Variants in ZFHX3 observed in about 807,000 individuals in gnomAD.
ZFHX3 encodes zinc finger homeobox 3.
Under a neutral mutation model 279.1 loss-of-function variants are expected in ZFHX3, and 42 were observed. The ratio of observed to expected loss-of-function variants is 0.15; its 90% CI spans 0.12 to 0.19. The LOEUF (loss-of-function observed/expected upper bound fraction) is 0.19. Among genes scored for constraint, ZFHX3 ranks in the 10% least tolerant of loss-of-function variants. The probability of loss-of-function intolerance (pLI) is 1.00; values close to 1 mark genes in which losing one functional copy is unlikely to be tolerated. For synonymous variants in ZFHX3, 2,293 were observed against 1,957.8 expected (o/e 1.17, Z -4.52); for missense variants, 4,981 against 4,754.0 (o/e 1.05, Z -1.40).
chr16:73,156,333 C>G (rs1187721716), intron 5 of ZFHX3, among the ~76,000 whole-genome samples: 1 of 151,170 alleles, frequency 6.6e-6, no homozygotes, highest in Non-Finnish European at 1.5e-5. Flanking sequence ...GTGAGTAGTT[C>G]CCATTAAAAA....
chr16:73,053,868 G>A (rs1008508804), intron 1 of ZFHX3, among the ~76,000 whole-genome samples: 2 of 152,206 alleles, frequency 1.3e-5, no homozygotes, highest in African/African-American at 4.8e-5. Context: ...TCAGCAAAGT[G>A]AAGGACCTGT....
At chr16:73,610,472 G>A (rs762629049) in intron 2 of ZFHX3, among the ~76,000 whole-genome samples, 3 of 152,098 alleles carry the variant, frequency 2.0e-5, no homozygotes, top group Non-Finnish European at 4.4e-5. Flanking sequence ...TACATTTCTT[G>A]CTCTGAAAAT....
chr16:73,505,794 C>A (rs539154145), intron 2 of ZFHX3, among the ~76,000 whole-genome samples: 1 of 152,312 alleles, frequency 6.6e-6, no homozygotes, highest in African/African-American at 2.4e-5. Flanking sequence ...GTCACTGTTC[C>A]CAGGAAAAAC....
Position 72,794,151 on chromosome 16 carries a change from T to C in ZFHX3, c.8531A>G (p.Asp2844Gly). Residue 2844 changes from aspartate to glycine, a missense_variant, in exon 9 of 10, where the codon GAT becomes GGT. Asp to Gly is a moderately conservative substitution (Grantham distance 94). Around this residue, in one of 7 missense-constraint regions of ZFHX3, gnomAD observed 744 missense variants for 701.3 expected, o/e 1.06. Coordinates refer to ENST00000268489, the MANE Select transcript of ZFHX3 (RefSeq NM_006885.4). This position sits in a 1 kb window ranked among gnomAD's most constrained non-coding sequence, Gnocchi z 4.2. Reference sequence around the variant, plus strand: ...GTTGCCCTCGTCTCCAGTTGTGGTATCTGTGATTGCTGTGTTGACAGAGGA... The same window carrying C: ...GTTGCCCTCGTCTCCAGTTGTGGTACCTGTGATTGCTGTGTTGACAGAGGA... Reference protein sequence around the residue: ...DCSSVNTAITDTTTGDEGNAD... With the variant: ...DCSSVNTAITGTTTGDEGNAD... 1 of 1,614,228 alleles carries C rather than the reference T, an allele frequency of 6.2e-7. No individual in the cohort carries two copies. Among genetic ancestry groups the C allele is most frequent in the Non-Finnish European group, 8.5e-7 (1 of 1,180,044 alleles).
intron 2 of ZFHX3, among the ~76,000 whole-genome samples, chr16:73,553,248 T>C (rs1001351450): frequency 1.3e-5 from 2 of 152,142 alleles, no homozygotes. Context: ...TATTTTTTGT[T>C]TAGTTTTGGA....
chr16:73,552,095 C>T (rs755242780), intron 2 of ZFHX3, among the ~76,000 whole-genome samples: 1 of 152,152 alleles, frequency 6.6e-6, no homozygotes, highest in Non-Finnish European at 1.5e-5. Flanking sequence ...ATCTTTTACT[C>T]ATCTCATCCA....
intron 2 of ZFHX3, among the ~76,000 whole-genome samples, chr16:73,676,729 A>G (rs533808811): frequency 7.2e-5 from 11 of 151,956 alleles, no homozygotes; most frequent in Non-Finnish European, 1.6e-4. Context: ...GAAGAAATAC[A>G]CCTAAGACAA....
At chr16:73,380,198 C>T (rs941745225) in intron 3 of ZFHX3, among the ~76,000 whole-genome samples, 1 of 152,088 alleles carries the variant, frequency 6.6e-6, no homozygotes, top group African/African-American at 2.4e-5. Flanking sequence ...ATCCATAAAC[C>T]TCTATGCACC....
At chr16:73,783,365 T>C (rs1478221681) in intron 1 of ZFHX3, among the ~76,000 whole-genome samples, 1 of 152,186 alleles carries the variant, frequency 6.6e-6, no homozygotes, top group Non-Finnish European at 1.5e-5. Flanking sequence ...CTTCCCTCCC[T>C]TAGTCATGTT....
intron 3 of ZFHX3, among the ~76,000 whole-genome samples, chr16:73,374,121 C>T (rs568056069): frequency 2.0e-5 from 3 of 151,970 alleles, no homozygotes; most frequent in Non-Finnish European, 4.4e-5. Context: ...AAGCAGTTAG[C>T]GCAGAAAATG....
chr16:73,386,506 A>C (rs1465543207), intron 3 of ZFHX3, among the ~76,000 whole-genome samples: 1 of 152,222 alleles, frequency 6.6e-6, no homozygotes, highest in African/African-American at 2.4e-5. Flanking sequence ...AAACCATAAA[A>C]ATAATATTAC....
chr16:72,959,831 CGG>C lies in ZFHX3; in HGVS notation c.313_314del (p.Pro105AlafsTer13), dbSNP rs769936196. ...MEHHCPSARPPPPLREESASD... is the reference protein window; with the variant it reads ...MEHHCPSARPXPPLREESASD... Reference sequence around the variant, plus strand: ...TGGCGCTCTCCTCTCTCAGGGGTGGCGGGGGGCGCGCGCTGGGGCAGTGGTGC... The same window carrying C: ...TGGCGCTCTCCTCTCTCAGGGGTGGCGGGGCGCGCGCTGGGGCAGTGGTGC... On this transcript the variant is annotated frameshift_variant, in exon 2 of 10. Coordinates refer to ENST00000268489, the MANE Select transcript of ZFHX3 (RefSeq NM_006885.4). LOFTEE classifies it high-confidence loss of function. 6.3e-7 allele frequency: 1 copy of C among 1,592,654 alleles called. No homozygotes were observed. Among genetic ancestry groups the C allele is most frequent in the African/African-American group, 1.3e-5 (1 of 74,560 alleles).
At chr16:73,765,107 C>T (rs2142286184) in intron 1 of ZFHX3, among the ~76,000 whole-genome samples, 1 of 152,236 alleles carries the variant, frequency 6.6e-6, no homozygotes, top group East Asian at 1.9e-4. Flanking sequence ...AAAAGGCCAC[C>T]TTCATTTCCC....
At chr16:72,990,200 G>A (rs747430660) in intron 1 of ZFHX3, among the ~76,000 whole-genome samples, 10 of 152,156 alleles carry the variant, frequency 6.6e-5, no homozygotes, top group African/African-American at 9.7e-5. Context: ...TCCGATGGAG[G>A]GGAAACCAGT....
chr16:73,287,231 GTGGGTCAGTGTA>G (rs2014636102), intron 4 of ZFHX3, among the ~76,000 whole-genome samples: 2 of 150,076 alleles, frequency 1.3e-5, no homozygotes, highest in African/African-American at 2.5e-5. Flanking sequence ...GAGTGGCTGT[GTGGGTCAGTGTA>G]TGGGTGTGTG....
chr16:73,843,535 T>C (rs1219708543), intron 1 of ZFHX3, among the ~76,000 whole-genome samples: 2 of 152,230 alleles, frequency 1.3e-5, no homozygotes, highest in Non-Finnish European at 2.9e-5. Context: ...GGAAGTCTTA[T>C]GCAAACCAAC....
chr16:73,528,626 G>A (rs1466093133), intron 2 of ZFHX3, among the ~76,000 whole-genome samples: 1 of 152,210 alleles, frequency 6.6e-6, no homozygotes, highest in East Asian at 1.9e-4. Flanking sequence ...AGCTGTCTGG[G>A]GAAGGCTTGA....
intron 2 of ZFHX3, among the ~76,000 whole-genome samples, chr16:73,600,080 TG>T (rs2052095606): frequency 6.6e-6 from 1 of 152,228 alleles, no homozygotes; most frequent in Non-Finnish European, 1.5e-5. Context: ...GCCAACATTT[TG>T]TAAGGGAATT....
chr16:72,797,032 C>T lies in ZFHX3; in HGVS notation c.5650G>A (p.Glu1884Lys), dbSNP rs763043942. Residue 1884 changes from glutamate (E) to lysine (K), a missense_variant, in exon 9 of 10, where the codon GAA becomes AAA. Transcript: ENST00000268489. ...PEKKNKLVIK[E>K]KEKESQRERD... ...TCTCTCTGGCTTTCTTTTTCCTTTT[C>T]TTTGATGACCAATTTGTTCTTCTTT... 6.2e-7 allele frequency: 1 copy of T among 1,614,054 alleles called. No homozygotes were observed. Among genetic ancestry groups the T allele is most frequent in the South Asian group, 1.1e-5 (1 of 91,074 alleles).
Sources: allele counts gnomAD v4.1 joint callset (sites outside exome capture counted in the v4.1 genomes callset), GRCh38; gene constraint gnomAD v4.1.1; regional missense constraint gnomAD v4.1.1; non-coding constraint Gnocchi (gnomAD v3.1); transcripts MANE v1.5; gene names NCBI Gene and HGNC (gene_info 2026-07-23, HGNC 2026-07-21).